The following OSBPL8 variants were observed in gnomAD, a reference collection of about 807,000 sequenced individuals.
The protein encoded by OSBPL8 is oxysterol binding protein like 8.
A neutral mutation model predicts 125.5 loss-of-function variants in OSBPL8; 59 were observed. The ratio of observed to expected loss-of-function variants is 0.47; its 90% CI spans 0.38 to 0.58. OSBPL8 has a LOEUF of 0.58. OSBPL8 is among the 20% of genes least tolerant of loss of function. OSBPL8 has a pLI of 0.00. For synonymous variants in OSBPL8, 330 were observed against 338.9 expected (o/e 0.97, Z 0.29); for missense variants, 758 against 1,047.8 (o/e 0.72, Z 3.82).
chr12:76,527,934 T>TG (rs1466536749), intron 1 of OSBPL8, among the ~76,000 whole-genome samples: 2 of 152,132 alleles, frequency 1.3e-5, no homozygotes, highest in Non-Finnish European at 2.9e-5. Flanking sequence ...ATGCAAGAAA[T>TG]CAATAAAGAG....
intron 1 of OSBPL8, among the ~76,000 whole-genome samples, chr12:76,490,618 C>A (rs182789986): frequency 6.6e-6 from 1 of 152,224 alleles, no homozygotes; most frequent in African/African-American, 2.4e-5. Context: ...AATAAAATCC[C>A]CCACATTTAC....
intron 2 of OSBPL8, among the ~76,000 whole-genome samples, chr12:76,472,374 G>A (rs1876249421): frequency 6.6e-6 from 1 of 152,206 alleles, no homozygotes; most frequent in Non-Finnish European, 1.5e-5. Context: ...CTACTGTAGG[G>A]ACCAGCCCCA....
chr12:76,485,814 T>C (rs1356045793), intron 2 of OSBPL8, among the ~76,000 whole-genome samples: 1 of 152,116 alleles, frequency 6.6e-6, no homozygotes, highest in Admixed American at 6.5e-5. Context: ...ATATCTACCT[T>C]TAATAGCTGT....
At chr12:76,367,935 A>AT (rs1312321944) in intron 21 of OSBPL8, among the ~76,000 whole-genome samples, 1 of 152,172 alleles carries the variant, frequency 6.6e-6, no homozygotes, top group African/African-American at 2.4e-5. Context: ...TCATTCATTT[A>AT]TTTTTTAAGT....
chr12:76,410,464 A>G (rs1304958323), intron 5 of OSBPL8, 100 bp downstream of exon 5: 6 of 852,576 alleles, frequency 7.0e-6, no homozygotes, highest in Non-Finnish European at 1.1e-5. Flanking sequence ...GTATCAACAT[A>G]AAAACATCAC....
At chr12:76,389,863 T>C in intron 11 of OSBPL8, 34 bp from the exon 12 acceptor site, 2 of 1,423,836 alleles carry the variant, frequency 1.4e-6, no homozygotes, top group Non-Finnish European at 1.9e-6. Context: ...CAAAACATTA[T>C]ATTTATTTCA....
chr12:76,530,351 C>G (rs529112153), intron 1 of OSBPL8, among the ~76,000 whole-genome samples: 3 of 151,728 alleles, frequency 2.0e-5, no homozygotes, highest in Non-Finnish European at 4.4e-5. Flanking sequence ...AGCCACCACA[C>G]CCAGCCACCA....
chr12:76,557,789 T>G (rs1951152919), intron 1 of OSBPL8, among the ~76,000 whole-genome samples: 1 of 152,170 alleles, frequency 6.6e-6, no homozygotes, highest in Admixed American at 6.5e-5. Context: ...TATTGACAAA[T>G]GTATAAGTAC....
At chr12:76,375,643 CAT>C (rs745734484) in intron 16 of OSBPL8, among the ~76,000 whole-genome samples, 10 of 151,652 alleles carry the variant, frequency 6.6e-5, no homozygotes, top group Non-Finnish European at 1.0e-4. Flanking sequence ...CATTTGGAGA[CAT>C]GTGCAGAGTA....
At chr12:76,451,698 C>T (rs1271548924) in intron 3 of OSBPL8, among the ~76,000 whole-genome samples, 2 of 152,156 alleles carry the variant, frequency 1.3e-5, no homozygotes, top group Non-Finnish European at 2.9e-5. Flanking sequence ...TCAGTAATAG[C>T]GAGCCATGCC....
chr12:76,545,577 C>T (rs1950761207), intron 1 of OSBPL8, among the ~76,000 whole-genome samples: 1 of 152,112 alleles, frequency 6.6e-6, no homozygotes, highest in Admixed American at 6.5e-5. Flanking sequence ...GAAATTTATT[C>T]ATATTTCAAT....
At chr12:76,510,749 C>T (rs1277716066) in intron 1 of OSBPL8, among the ~76,000 whole-genome samples, 4 of 151,828 alleles carry the variant, frequency 2.6e-5, no homozygotes, top group African/African-American at 4.8e-5. Context: ...GGTGTAGTGG[C>T]GCATGCCTGT....
intron 2 of OSBPL8, among the ~76,000 whole-genome samples, chr12:76,472,798 G>A (rs1450639407): frequency 6.6e-6 from 1 of 152,174 alleles, no homozygotes; most frequent in East Asian, 1.9e-4. Flanking sequence ...CATGAAAGTG[G>A]ACTAGGAGCA....
At chr12:76,388,281 T>A (rs1565851479) in intron 12 of OSBPL8, among the ~76,000 whole-genome samples, 1 of 152,220 alleles carries the variant, frequency 6.6e-6, no homozygotes. Flanking sequence ...GAAGTGAGAT[T>A]AGTGGATCAA....
At chr12:76,371,965 TCAAA>T (rs1033155175) in intron 18 of OSBPL8, 5 of 158,242 alleles carry the variant, frequency 3.2e-5, no homozygotes, top group Admixed American at 3.1e-4. Context: ...TTCAATATAC[TCAAA>T]CATACACACA....
At chr12:76,486,466 A>T (rs1878144390) in intron 2 of OSBPL8, among the ~76,000 whole-genome samples, 1 of 152,228 alleles carries the variant, frequency 6.6e-6, no homozygotes, top group African/African-American at 2.4e-5. Flanking sequence ...CCTTTACTTT[A>T]GGTAACAGAA....
At chr12:76,381,444 C>T (rs1158331268) in intron 15 of OSBPL8, among the ~76,000 whole-genome samples, 1 of 152,130 alleles carries the variant, frequency 6.6e-6, no homozygotes, top group Non-Finnish European at 1.5e-5. Flanking sequence ...CTTCTTGGGT[C>T]AGCTGTGGTA....
chr12:76,524,621 T>C (rs1204987632), intron 1 of OSBPL8, among the ~76,000 whole-genome samples: 6 of 151,124 alleles, frequency 4.0e-5, no homozygotes, highest in African/African-American at 1.5e-4. Flanking sequence ...AAGTTTTTTT[T>C]GGCAAAAAGA....
intron 1 of OSBPL8, among the ~76,000 whole-genome samples, chr12:76,514,259 CT>C (rs995210448): frequency 6.6e-6 from 1 of 152,042 alleles, no homozygotes; most frequent in African/African-American, 2.4e-5. Context: ...ATTCTCCTGC[CT>C]TAGCCTCCCA....
Sources: gnomAD v4.1 joint callset for allele counts (sites outside exome capture counted in the v4.1 genomes callset) on GRCh38, gnomAD v4.1.1 for gene constraint, MANE v1.5 for transcripts, NCBI Gene and HGNC (gene_info 2026-07-23, HGNC 2026-07-21) for gene names.